Variants in MMRN2 observed in about 807,000 individuals in gnomAD.
The protein encoded by MMRN2 is multimerin-2.
In MMRN2, 53 loss-of-function variants were observed where a neutral mutation model predicts 68.8. The ratio of observed to expected loss-of-function variants is 0.77; its 90% confidence interval spans 0.62 to 0.97. MMRN2 has a LOEUF of 0.97. Among genes scored for constraint, MMRN2 ranks in the 50% least tolerant of loss-of-function variants. MMRN2 has a pLI of 0.00. For missense variants in MMRN2, 1,266 were observed against 1,259.5 expected (o/e 1.01, Z -0.08); for synonymous variants, 564 against 551.6 (o/e 1.02, Z -0.32).
intron 4 of MMRN2, 149 bp from the exon 5 acceptor site, chr10:86,944,584 G>A (rs908421477): frequency 5.2e-6 from 4 of 766,896 alleles, no homozygotes; most frequent in Admixed American, 2.9e-5. Context: ...TAAACCCCTG[G>A]AGGGCAAATG....
At chr10:86,953,788 T>C (rs1844176874) in intron 1 of MMRN2, among the ~76,000 whole-genome samples, 1 of 152,264 alleles carries the variant, frequency 6.6e-6, no homozygotes, top group Admixed American at 6.5e-5. Context: ...GCAGAGGGCC[T>C]GGAAGGCGTG....
intron 1 of MMRN2, 86 bp downstream of exon 1, chr10:86,957,292 C>G: frequency 7.1e-7 from 1 of 1,400,882 alleles, no homozygotes; most frequent in South Asian, 1.2e-5. Context: ...GATGGGACCC[C>G]AGTGAGGTCT....
rs763560295 is a variant in MMRN2 at position 86,943,000 on chromosome 10, G to A, written c.1784C>T (p.Ala595Val). Residue 595 changes from alanine (A) to valine (V), a missense_variant, in exon 6 of 7, where the codon GCC becomes GTC. By Grantham distance (64) the Ala-to-Val change is moderately conservative (BLOSUM62 0). Coordinates refer to ENST00000372027, the MANE Select transcript of MMRN2 (RefSeq NM_024756.3). ...ARHEVRQLHS[A>V]FAALLEDALR... is the part of the protein sequence containing the mutation. ...CGCGTCCTCCAGCAGGGCGGCGAAG[G>A]CGCTGTGCAGCTGGCGCACCTCGTG... 2.4e-4 allele frequency: 351 copies of A among 1,433,256 alleles called. No homozygotes were observed. The highest frequency in any genetic ancestry group is 4.7e-4 in the Admixed American group (19 of 40,526). The allele number at this position is 1,433,256 out of a possible 1,614,324, so 88.8% of individuals were successfully genotyped here.
At chr10:86,939,749 G>A (rs1488338446) in intron 6 of MMRN2, among the ~76,000 whole-genome samples, 1 of 151,910 alleles carries the variant, frequency 6.6e-6, no homozygotes, top group East Asian at 1.9e-4. Flanking sequence ...GTGCTTCCCT[G>A]CAGGGCACAC....
At position 86,936,576 on chromosome 10, in the gene MMRN2, AAGCCCC is replaced by A. The variant is rs1843881905; in HGVS notation, c.*161_*166del. Reference sequence around the variant, plus strand: ...TCCTTCTCATCATGGAGAAATGGCCAAGCCCCATGTGGTTACAGGGAAGCCACGTAC... The same window carrying A: ...TCCTTCTCATCATGGAGAAATGGCCAATGTGGTTACAGGGAAGCCACGTAC... On this transcript the variant is annotated 3_prime_UTR_variant, in exon 7 of 7. Coordinates refer to ENST00000372027, the MANE Select transcript of MMRN2 (RefSeq NM_024756.3). The A allele has an allele frequency of 1.3e-6, 1 of 756,368 alleles. No homozygotes were observed. The highest frequency in any genetic ancestry group is 2.2e-6 in the Non-Finnish European group (1 of 462,404). The allele number at this position is 756,368 out of a possible 1,614,324, so 46.9% of individuals were successfully genotyped here.
intron 1 of MMRN2, 61 bp from the exon 2 acceptor site, chr10:86,945,750 G>A: frequency 6.2e-7 from 1 of 1,609,916 alleles, no homozygotes; most frequent in Non-Finnish European, 8.5e-7. Context: ...GGGGGTGCCA[G>A]TGCAGAGCCA....
At position 86,939,262 on chromosome 10, in the gene MMRN2, G is replaced by A. The variant is rs528727936; in HGVS notation, c.2468-2137C>T. 4.2e-4 allele frequency among the ~76,000 whole-genome samples: 63 copies of A among 151,658 alleles called. 2 individuals are homozygous for A. Among genetic ancestry groups the A allele is most frequent in the Non-Finnish European group, 6.9e-4 (47 of 67,950 alleles). ...GCGGATCACGAGGTCAGGAGATAGA[G>A]ACCAGCCTGGCCAACATGGTGAAAT... On this transcript the variant is annotated intron_variant, in intron 6 of 6. Transcript: ENST00000372027.
intron 4 of MMRN2, 188 bp from the exon 5 acceptor site, chr10:86,944,623 C>T (rs1247461661): frequency 3.4e-6 from 2 of 595,322 alleles, no homozygotes; most frequent in African/African-American, 1.9e-5. Context: ...ACCCTGCCTC[C>T]TACACCTACA....
chr10:86,951,789 T>G (rs916571091), intron 1 of MMRN2, among the ~76,000 whole-genome samples: 1 of 152,250 alleles, frequency 6.6e-6, no homozygotes, highest in Admixed American at 6.5e-5. Flanking sequence ...GACTCATGCC[T>G]GTAATCCCAG....
chr10:86,955,455 G>A (rs1201738754), intron 1 of MMRN2, among the ~76,000 whole-genome samples: 1 of 152,184 alleles, frequency 6.6e-6, no homozygotes, highest in African/African-American at 2.4e-5. Flanking sequence ...GCTTCTCCTT[G>A]CAAAGGGTCT....
At chr10:86,946,097 C>G (rs1275264837) in intron 1 of MMRN2, among the ~76,000 whole-genome samples, 1 of 152,242 alleles carries the variant, frequency 6.6e-6, no homozygotes, top group Admixed American at 6.5e-5. Context: ...CCAGAAAGCT[C>G]TCGCTGTTTC....
chr10:86,954,568 C>T (rs1388766386), intron 1 of MMRN2, among the ~76,000 whole-genome samples: 1 of 152,172 alleles, frequency 6.6e-6, no homozygotes, highest in Non-Finnish European at 1.5e-5. Flanking sequence ...TCCCAGGGGC[C>T]CTCAAGTCTT....
chr10:86,944,741 GA>G, intron 4 of MMRN2, among the ~76,000 whole-genome samples: 1 of 152,236 alleles, frequency 6.6e-6, no homozygotes, highest in East Asian at 1.9e-4. Context: ...ACCACATAAT[GA>G]AACTCATTTA....
intron 6 of MMRN2, among the ~76,000 whole-genome samples, chr10:86,939,837 GTT>G (rs750030201): frequency 0.034 from 4,542 of 133,202 alleles, 108 homozygotes; most frequent in East Asian, 0.099. Context: ...GTGTGTGTGT[GTT>G]TGTGTGTGTG....
intron 6 of MMRN2, among the ~76,000 whole-genome samples, chr10:86,937,436 A>G (rs1048630222): frequency 6.7e-6 from 1 of 148,908 alleles, no homozygotes; most frequent in Non-Finnish European, 1.5e-5. Flanking sequence ...AGCAGTGGTC[A>G]TGACTCACTG....
At chr10:86,939,838 TTTG>T (rs1843941713) in intron 6 of MMRN2, among the ~76,000 whole-genome samples, 11 of 129,364 alleles carry the variant, frequency 8.5e-5, no homozygotes, top group African/African-American at 3.0e-4. Context: ...TGTGTGTGTG[TTTG>T]TGTGTGTGTG....
At position 86,942,627 on chromosome 10, in the gene MMRN2, G is replaced by T; in HGVS notation, c.2157C>A (p.Ala719=). Residue 719 remains alanine (A), a synonymous_variant, in exon 6 of 7, where the codon GCC becomes GCA. Transcript: ENST00000372027. ...KNVGRCCEAE[A]GAGAASLNAS... ...CGTTGAGGGAGGCGGCCCCGGCCCC[G>T]GCCTCGGCCTCGCAGCACCGCCCGA... is the stretch of plus-strand genomic sequence containing the variant. The T allele has an allele frequency of 6.2e-7, 1 of 1,602,346 alleles. No homozygotes were observed.
intron 1 of MMRN2, among the ~76,000 whole-genome samples, chr10:86,956,441 C>T (rs558701281): frequency 1.3e-5 from 2 of 152,216 alleles, no homozygotes; most frequent in African/African-American, 4.8e-5. Context: ...TTGGCCCCCC[C>T]CTCACTCCCT....
Position 86,942,767 on chromosome 10 carries a change from G to T in MMRN2, c.2017C>A (p.Arg673=). 1.5e-6 allele frequency: 2 copies of T among 1,373,250 alleles called. No homozygotes were observed. The highest frequency in any genetic ancestry group is 1.5e-5 in the African/African-American group (1 of 65,318). The allele number at this position is 1,373,250 out of a possible 1,614,324, so 85.1% of individuals were successfully genotyped here. ...TALEQASEPP[R]PAEHLEPSHD... is the part of the protein sequence containing the mutation. ...CTGGGCTCCAGGTGCTCTGCCGGCC[G>T]CGGGGGCTCCGAGGCCTGCTCCAGG... The change falls in exon 6 of 7, where the codon CGG becomes AGG. Residue 673 remains arginine (R), a synonymous_variant. Transcript: ENST00000372027.
Sources: allele counts gnomAD v4.1 joint callset (sites outside exome capture counted in the v4.1 genomes callset), GRCh38; gene constraint gnomAD v4.1.1; transcripts MANE v1.5; gene names NCBI Gene and HGNC (gene_info 2026-07-23, HGNC 2026-07-21).